Variants in ASIC5 observed in about 807,000 individuals in gnomAD.
ASIC5 encodes acid sensing ion channel subunit family member 5.
In ASIC5, 52 loss-of-function variants were observed where a neutral mutation model predicts 51.2. The ratio of observed to expected loss-of-function variants is 1.02; its 90% CI spans 0.81 to 1.28. The LOEUF (loss-of-function observed/expected upper bound fraction) is 1.28. Among genes scored for constraint, ASIC5 ranks in the 50% most tolerant of loss-of-function variants. The probability of loss-of-function intolerance (pLI) is 0.00; values close to 1 mark genes in which losing one functional copy is unlikely to be tolerated. For synonymous variants in ASIC5, 231 were observed against 200.7 expected (o/e 1.15, Z -1.28); for missense variants, 635 against 595.0 (o/e 1.07, Z -0.70).
At chr4:155,847,046 C>G (rs1488977368) in intron 4 of ASIC5, among the ~76,000 whole-genome samples, 1 of 151,680 alleles carries the variant, frequency 6.6e-6, no homozygotes, top group African/African-American at 2.4e-5. Context: ...AAATTTAGTC[C>G]TAAAATAAAA....
At position 155,865,073 on chromosome 4, in the gene ASIC5, A is replaced by G. The variant is rs28646157; in HGVS notation, c.40+1114T>C. On this transcript the variant is annotated intron_variant, in intron 1 of 9. Coordinates refer to ENST00000537611, the MANE Select transcript of ASIC5 (RefSeq NM_017419.3). ...TTAGCTAAGCTTTTTATTCAGTTATAGGACATATGCTATAAAAAGGTGTCT... is the reference window on the plus strand; with the variant it reads ...TTAGCTAAGCTTTTTATTCAGTTATGGGACATATGCTATAAAAAGGTGTCT... 8.3e-3 allele frequency: 1,259 copies of G among 152,152 alleles called. 20 individuals carry two copies. Among genetic ancestry groups the G allele is most frequent in the African/African-American group, 0.029 (1,195 of 41,560 alleles). The allele number at this position is 152,152 out of a possible 1,614,324, so 9.4% of individuals were successfully genotyped here.
chr4:155,835,081 T>C (rs551877227), intron 8 of ASIC5, among the ~76,000 whole-genome samples: 3 of 152,282 alleles, frequency 2.0e-5, no homozygotes, highest in Admixed American at 1.3e-4. Context: ...TCTGGGACAC[T>C]GGGAAAGACC....
At chr4:155,851,848 A>G (rs1368343424) in intron 4 of ASIC5, among the ~76,000 whole-genome samples, 1 of 152,042 alleles carries the variant, frequency 6.6e-6, no homozygotes, top group Non-Finnish European at 1.5e-5. Flanking sequence ...ACATAAACGT[A>G]TTTCTAAAAT....
At chr4:155,865,222 G>A (rs1741831637) in intron 1 of ASIC5, 1 of 151,916 alleles carries the variant, frequency 6.6e-6, no homozygotes, top group Non-Finnish European at 1.5e-5. Context: ...TTAGCTTGAA[G>A]TTGGACTAAA....
chr4:155,851,568 G>A lies in ASIC5; in HGVS notation c.711+623C>T, dbSNP rs9917918. 5.1e-3 allele frequency among the ~76,000 whole-genome samples: 778 copies of A among 151,900 alleles called. 4 individuals are homozygous for A. Among genetic ancestry groups the A allele is most frequent in the Middle Eastern group, 0.024 (7 of 294 alleles). On this transcript the variant is annotated intron_variant, in intron 4 of 9. Transcript: ENST00000537611. Reference sequence around the variant, plus strand: ...CTAGAAGTAGTTATTTAAACAAAAGGTCAGAATTAACTAATCTTGGGTGGG... The same window carrying A: ...CTAGAAGTAGTTATTTAAACAAAAGATCAGAATTAACTAATCTTGGGTGGG...
intron 4 of ASIC5, among the ~76,000 whole-genome samples, chr4:155,850,809 T>C (rs1418398013): frequency 6.6e-6 from 1 of 152,080 alleles, no homozygotes; most frequent in Non-Finnish European, 1.5e-5. Context: ...TTTACACTAT[T>C]TCTTTAACAC....
chr4:155,852,471 G>GTT (rs35738215), intron 3 of ASIC5, among the ~76,000 whole-genome samples, 155 bp from the exon 4 acceptor site: 1,510 of 147,518 alleles, frequency 0.01, 9 homozygotes, highest in East Asian at 0.014. Flanking sequence ...TTCAGTGATA[G>GTT]TTTTTTTTTT....
chr4:155,866,251 C>A lies in ASIC5; in HGVS notation c.-25G>T. The A allele has an allele frequency of 1.3e-6, 2 of 1,597,086 alleles. No homozygotes were observed. The highest frequency in any genetic ancestry group is 1.7e-6 in the Non-Finnish European group (2 of 1,166,416). On this transcript the variant is annotated 5_prime_UTR_variant, in exon 1 of 10. Coordinates refer to ENST00000537611, the MANE Select transcript of ASIC5 (RefSeq NM_017419.3). Reference sequence around the variant, plus strand: ...TTTGTGATTTCAGTTAAGCAAGAGTCCTCAGGGTAACCCAATTTTCATCAA... The same window carrying A: ...TTTGTGATTTCAGTTAAGCAAGAGTACTCAGGGTAACCCAATTTTCATCAA...
intron 6 of ASIC5, among the ~76,000 whole-genome samples, chr4:155,841,255 T>A (rs2111236578): frequency 6.6e-6 from 1 of 152,314 alleles, no homozygotes; most frequent in East Asian, 1.9e-4. Context: ...TGTTACAATA[T>A]ATCTTTCTAG....
At chr4:155,863,937 G>A (rs1741791371) in intron 1 of ASIC5, among the ~76,000 whole-genome samples, 183 bp from the exon 2 acceptor site, 1 of 152,094 alleles carries the variant, frequency 6.6e-6, no homozygotes, top group Non-Finnish European at 1.5e-5. Context: ...TGTAAGTGTT[G>A]GCTACATGGG....
chr4:155,833,149 A>G (rs146939443), intron 8 of ASIC5, among the ~76,000 whole-genome samples: 1 of 152,286 alleles, frequency 6.6e-6, no homozygotes, highest in African/African-American at 2.4e-5. Flanking sequence ...ATCCTAACAA[A>G]TAATAGGTTG....
intron 4 of ASIC5, among the ~76,000 whole-genome samples, chr4:155,845,931 A>C (rs1201693160): frequency 2.0e-5 from 3 of 152,062 alleles, no homozygotes; most frequent in Admixed American, 2.0e-4. Context: ...AAGATAGGAA[A>C]AAAATAATAA....
intron 1 of ASIC5, among the ~76,000 whole-genome samples, chr4:155,865,796 A>G (rs1181898601): frequency 6.6e-6 from 1 of 152,136 alleles, no homozygotes; most frequent in African/African-American, 2.4e-5. Flanking sequence ...TGACTGGAGT[A>G]TATACAGTGT....
chr4:155,844,446 C>T (rs973165498), intron 4 of ASIC5, among the ~76,000 whole-genome samples: 1 of 152,048 alleles, frequency 6.6e-6, no homozygotes, highest in African/African-American at 2.4e-5. Flanking sequence ...GGTAAGAAAA[C>T]TGGTTTGGGA....
At chr4:155,843,918 T>C in intron 4 of ASIC5, 88 bp from the exon 5 acceptor site, 3 of 1,231,058 alleles carry the variant, frequency 2.4e-6, no homozygotes, top group Non-Finnish European at 3.5e-6. Context: ...CATCTCATGA[T>C]AGCGTTTGAC....
chr4:155,841,943 A>C (rs1228282591), intron 6 of ASIC5, among the ~76,000 whole-genome samples: 1 of 152,186 alleles, frequency 6.6e-6, no homozygotes, highest in Admixed American at 6.6e-5. Context: ...AATTAAGTAA[A>C]TATAAACATA....
chr4:155,836,805 G>A lies in ASIC5; in HGVS notation c.1119C>T (p.Cys373=). ...ATTCTATTTCTTCACAAGAAACGGGGCAGCTAGAGTTATGTGTTCCTACTG... is the reference window on the plus strand; with the variant it reads ...ATTCTATTTCTTCACAAGAAACGGGACAGCTAGAGTTATGTGTTCCTACTG... ...LCTVGTHNSS[C]PVSCEEIEYP... is the part of the protein sequence containing the mutation. Residue 373 remains cysteine (C), a synonymous_variant, in exon 8 of 10, where the codon TGC becomes TGT. Transcript: ENST00000537611. 6.2e-7 allele frequency: 1 copy of A among 1,609,418 alleles called. No homozygotes were observed. The highest frequency in any genetic ancestry group is 1.7e-4 in the Middle Eastern group (1 of 6,052).
chr4:155,852,638 G>T (rs1356934547), intron 3 of ASIC5, among the ~76,000 whole-genome samples: 1 of 151,962 alleles, frequency 6.6e-6, no homozygotes, highest in East Asian at 1.9e-4. Context: ...CACTACTTCA[G>T]CATCCTTTCT....
intron 4 of ASIC5, among the ~76,000 whole-genome samples, chr4:155,850,275 G>A (rs1278456829): frequency 6.6e-6 from 1 of 151,870 alleles, no homozygotes; most frequent in Non-Finnish European, 1.5e-5. Context: ...CAAAAAAAAT[G>A]CAACCATTTG....
Sources: allele counts gnomAD v4.1 joint callset (sites outside exome capture counted in the v4.1 genomes callset), GRCh38; gene constraint gnomAD v4.1.1; transcripts MANE v1.5; gene names NCBI Gene and HGNC (gene_info 2026-07-23, HGNC 2026-07-21).